HELB: variants seen among roughly 807,000 people sequenced by gnomAD.
HELB encodes the protein DNA 5'-3' helicase B.
Under a neutral mutation model 101.7 loss-of-function variants are expected in HELB, and 96 were observed. That is an observed-to-expected ratio of 0.94 (90% CI 0.80 to 1.12). The LOEUF is 1.12. Among genes scored for constraint, HELB ranks in the 50% most tolerant of loss-of-function variants. The pLI, the probability that HELB is intolerant of heterozygous loss-of-function variation, is 0.00. For missense variants in HELB, 1,210 were observed against 1,291.9 expected (o/e 0.94, Z 0.97); for synonymous variants, 437 against 459.7 (o/e 0.95, Z 0.63).
chr12:66,316,567 A>AAAT (rs59495617), intron 6 of HELB, among the ~76,000 whole-genome samples: 2,746 of 145,054 alleles, frequency 0.019, 49 homozygotes, highest in African/African-American at 0.038. Flanking sequence ...TGATAAGCTA[A>AAAT]AATAATAATA....
intron 4 of HELB, among the ~76,000 whole-genome samples, chr12:66,311,263 C>T (rs1214630745): frequency 6.6e-6 from 1 of 151,970 alleles, no homozygotes; most frequent in African/African-American, 2.4e-5. Context: ...GAGTTTGAGA[C>T]TTGCCTGGGC....
chr12:66,333,614 G>T (rs924691954), intron 12 of HELB, among the ~76,000 whole-genome samples: 1 of 151,996 alleles, frequency 6.6e-6, no homozygotes, highest in Non-Finnish European at 1.5e-5. Flanking sequence ...AACCCAGGAG[G>T]TAGAGGTTGC....
At chr12:66,329,684 A>G (rs1050393394) in intron 11 of HELB, among the ~76,000 whole-genome samples, 6 of 152,254 alleles carry the variant, frequency 3.9e-5, no homozygotes, top group African/African-American at 1.2e-4. Flanking sequence ...TGCCATGAGG[A>G]TGATGGATTG....
intron 11 of HELB, among the ~76,000 whole-genome samples, chr12:66,328,632 A>G (rs2053769883): frequency 6.6e-6 from 1 of 152,232 alleles, no homozygotes; most frequent in Non-Finnish European, 1.5e-5. Context: ...GTTTGGAATA[A>G]CTTGGGTATG....
Position 66,338,030 on chromosome 12 carries a change from A to C in HELB, c.3192A>C (p.Arg1064Ser). 1 of 1,603,268 alleles carries C rather than the reference A, an allele frequency of 6.2e-7. No homozygotes were observed. Among genetic ancestry groups the C allele is most frequent in the Non-Finnish European group, 8.5e-7 (1 of 1,170,646 alleles). Residue 1064 changes from arginine (R) to serine (S), a missense_variant, in exon 13 of 13, where the codon AGA (arginine) becomes AGC (serine). Transcript: ENST00000247815. ...MVGESPQVSS[R>S]LQNLRLNNLI... ...GAGAATCTCCACAAGTGTCTTCCAG[A>C]CTTCAGAATTTGAGACTGAATAATT...
intron 12 of HELB, among the ~76,000 whole-genome samples, chr12:66,337,212 AGG>A (rs146554068): frequency 6.6e-6 from 1 of 152,030 alleles, no homozygotes; most frequent in African/African-American, 2.4e-5. Context: ...TTGAGGGTGG[AGG>A]GGGAAGTTTC....
At position 66,324,064 on chromosome 12, in the gene HELB, T is replaced by A; in HGVS notation, c.2379T>A (p.Pro793=). 6.2e-7 allele frequency: 1 copy of A among 1,613,616 alleles called. No homozygotes were observed. Among genetic ancestry groups the A allele is most frequent in the Non-Finnish European group, 8.5e-7 (1 of 1,179,648 alleles). Reference sequence around the variant, plus strand: ...ATGCATACCTCTCAGACTTACTACCTGAAAATATCTCTGGAAGTCAGCAAA... The same window carrying A: ...ATGCATACCTCTCAGACTTACTACCAGAAAATATCTCTGGAAGTCAGCAAA... The part of the protein sequence containing the change: ...TRNAYLSDLL[P]ENISGSQQNN... The change falls in exon 10 of 13, where the codon CCT becomes CCA. Residue 793 remains proline (P), a synonymous_variant. Transcript: ENST00000247815.
downstream of HELB, chr12:66,341,290 A>C (rs2053916396): frequency 2.0e-5 from 3 of 152,266 alleles, no homozygotes; most frequent in Non-Finnish European, 2.9e-5. Flanking sequence ...AAAGAGAGGG[A>C]GCAGACTCAG....
chr12:66,336,504 C>T (rs2053867534), intron 12 of HELB, among the ~76,000 whole-genome samples: 1 of 152,182 alleles, frequency 6.6e-6, no homozygotes, highest in Non-Finnish European at 1.5e-5. Context: ...CTTTAAGCTT[C>T]CAAGGCTGTA....
intron 1 of HELB, 141 bp downstream of exon 1, chr12:66,302,931 G>A (rs562408279): frequency 1.2e-5 from 7 of 604,230 alleles, no homozygotes; most frequent in East Asian, 2.8e-5. Flanking sequence ...CCTACCAAGG[G>A]TAAAATTATG....
downstream of HELB, chr12:66,338,333 T>C (rs2053888864): frequency 2.9e-6 from 1 of 339,244 alleles, no homozygotes; most frequent in Admixed American, 4.8e-5. Flanking sequence ...TATATACATA[T>C]ATATTTTTAT....
At chr12:66,341,265 G>C (rs2053916239), downstream of HELB, 2 of 152,344 alleles carry the variant, frequency 1.3e-5, no homozygotes, top group African/African-American at 4.8e-5. Flanking sequence ...CAAGCATTCT[G>C]CACAGCACAG....
intron 6 of HELB, among the ~76,000 whole-genome samples, chr12:66,317,156 C>T (rs1476660607): frequency 1.3e-5 from 2 of 151,628 alleles, no homozygotes; most frequent in East Asian, 3.9e-4. Context: ...GAGATTGCAC[C>T]ATTGCACTCT....
At chr12:66,324,894 G>A in intron 10 of HELB, 89 bp from the exon 11 acceptor site, 1 of 1,506,668 alleles carries the variant, frequency 6.6e-7, no homozygotes. Flanking sequence ...TATATTTTAT[G>A]TTTGACCCAA....
At chr12:66,313,452 C>T (rs566229054) in intron 4 of HELB, among the ~76,000 whole-genome samples, 183 of 152,056 alleles carry the variant, frequency 1.2e-3, no homozygotes, top group Non-Finnish European at 2.0e-3. Context: ...AATTTTACAA[C>T]CAATTTTTTT....
intron 12 of HELB, 43 bp downstream of exon 12, chr12:66,331,688 C>G: frequency 6.5e-7 from 1 of 1,536,340 alleles, no homozygotes; most frequent in Non-Finnish European, 8.8e-7. Flanking sequence ...ATTTAAATAT[C>G]GCTAACTTCG....
At position 66,331,648 on chromosome 12, in the gene HELB, A is replaced by G; in HGVS notation, c.3162+3A>G. On this transcript the variant is annotated splice_donor_region_variant and intron_variant, in intron 12 of 12. Transcript: ENST00000247815. ...AAAGTCCAAGCAAAATTTTTATGGT[A>G]GGAGTGATGTTTCCATGTTCCCAAG... The G allele has an allele frequency of 6.3e-7, 1 of 1,588,562 alleles. No homozygotes were observed. The highest frequency in any genetic ancestry group is 1.3e-5 in the African/African-American group (1 of 74,368).
Position 66,310,197 on chromosome 12 carries a change from C to T in HELB, c.1269C>T (p.Asp423=). The T allele has an allele frequency of 6.2e-7, 1 of 1,614,080 alleles. No individual in the cohort carries two copies. Among genetic ancestry groups the T allele is most frequent in the Non-Finnish European group, 8.5e-7 (1 of 1,179,972 alleles). ...ENPVDVVDTQ[D]NGDHIWTNGE... is the part of the protein sequence containing the mutation. The stretch of plus-strand genomic sequence containing the variant: ...CTGTGGATGTTGTGGACACACAGGA[C>T]AATGGTGACCATATTTGGACTAATG... The change falls in exon 4 of 13, where the codon GAC becomes GAT. Residue 423 remains aspartate (D), a synonymous_variant. Coordinates refer to ENST00000247815, the MANE Select transcript of HELB (RefSeq NM_001370285.1).
chr12:66,338,891 G>C (rs541963686), downstream of HELB: 1 of 152,308 alleles, frequency 6.6e-6, no homozygotes, highest in African/African-American at 2.4e-5. Context: ...CTGGGGCCCA[G>C]CCTACCTGGG....
Sources: gnomAD v4.1 joint callset for allele counts (sites outside exome capture counted in the v4.1 genomes callset) on GRCh38, gnomAD v4.1.1 for gene constraint, MANE v1.5 for transcripts, NCBI Gene and HGNC (gene_info 2026-07-23, HGNC 2026-07-21) for gene names.